The following SLC66A3 variants were observed in gnomAD, a reference collection of about 807,000 sequenced individuals.
The protein encoded by SLC66A3 is solute carrier family 66 member 3, also known as PQ loop repeat containing 3.
A neutral mutation model predicts 25.5 loss-of-function variants in SLC66A3; 23 were observed. The ratio of observed to expected loss-of-function variants is 0.90; its 90% CI spans 0.65 to 1.28. The LOEUF is 1.28. Ranked by LOEUF, SLC66A3 falls within the 50% of genes most tolerant of loss-of-function variation. The probability of loss-of-function intolerance (pLI) is 0.00; values close to 1 mark genes in which losing one functional copy is unlikely to be tolerated. For missense variants in SLC66A3, 246 were observed against 262.1 expected, an observed-to-expected ratio of 0.94 and a Z score of 0.42; for synonymous variants, 108 against 112.6, an observed-to-expected ratio of 0.96 and a Z score of 0.26.
At chr2:11,160,151 C>T (rs541671651) in intron 1 of SLC66A3, 7 of 415,324 alleles carry the variant, frequency 1.7e-5, no homozygotes, top group Non-Finnish European at 3.1e-5. Flanking sequence ...GCCCAGAAGG[C>T]CCAGTCTCAT....
At chr2:11,155,956 C>G (rs550408198) in intron 1 of SLC66A3, among the ~76,000 whole-genome samples, 1 of 152,342 alleles carries the variant, frequency 6.6e-6, no homozygotes, top group East Asian at 1.9e-4. Context: ...AAAACAGACC[C>G]AGCGGAGGCA....
intron 4 of SLC66A3, among the ~76,000 whole-genome samples, chr2:11,170,337 G>A (rs1444617960): frequency 6.6e-6 from 1 of 152,202 alleles, no homozygotes; most frequent in East Asian, 1.9e-4. Flanking sequence ...CCCAGAGACT[G>A]GAGTTTCAGC....
At chr2:11,168,015 T>A (rs1295441313) in intron 4 of SLC66A3, among the ~76,000 whole-genome samples, 1 of 152,136 alleles carries the variant, frequency 6.6e-6, no homozygotes, top group Middle Eastern at 3.2e-3. Context: ...GTGCGGTGGC[T>A]CACGCCTGTG....
intron 5 of SLC66A3, among the ~76,000 whole-genome samples, chr2:11,172,281 T>C (rs1177553399): frequency 6.6e-6 from 1 of 152,248 alleles, no homozygotes; most frequent in Non-Finnish European, 1.5e-5. Flanking sequence ...AAGCCTATTT[T>C]TCTCCAAAAA....
At chr2:11,175,529 G>T (rs949804573) in intron 6 of SLC66A3, among the ~76,000 whole-genome samples, 7 of 152,236 alleles carry the variant, frequency 4.6e-5, no homozygotes, top group African/African-American at 1.4e-4. Context: ...CAGGGGGACA[G>T]TGACAAGCGG....
chr2:11,164,112 G>A (rs1275408655), intron 3 of SLC66A3, 92 bp from the exon 4 acceptor site: 18 of 747,280 alleles, frequency 2.4e-5, no homozygotes, highest in Non-Finnish European at 3.6e-5. Flanking sequence ...GCTTCTGCGT[G>A]CCGCTGTCTG....
At chr2:11,175,654 C>T (rs756007936) in intron 6 of SLC66A3, among the ~76,000 whole-genome samples, 4 of 151,802 alleles carry the variant, frequency 2.6e-5, no homozygotes, top group Non-Finnish European at 5.9e-5. Context: ...GAAGTGGTGT[C>T]ACCAATGGAC....
At chr2:11,177,135 G>A (rs952171849) in intron 6 of SLC66A3, among the ~76,000 whole-genome samples, 2 of 152,104 alleles carry the variant, frequency 1.3e-5, no homozygotes, top group Admixed American at 6.5e-5. Context: ...CCCTCAGGAC[G>A]TCAGATGAGT....
At chr2:11,175,403 G>A (rs73915390) in intron 6 of SLC66A3, among the ~76,000 whole-genome samples, 3,852 of 152,324 alleles carry the variant, frequency 0.025, 72 homozygotes, top group East Asian at 0.055. Flanking sequence ...AAGAGTGATC[G>A]TAAGGATGAG....
At chr2:11,165,938 G>A (rs891133868) in intron 4 of SLC66A3, among the ~76,000 whole-genome samples, 6 of 152,254 alleles carry the variant, frequency 3.9e-5, no homozygotes, top group Non-Finnish European at 8.8e-5. Context: ...ATCAGGCAGG[G>A]AGGTTGCAGT....
chr2:11,176,406 G>T (rs1173932242), intron 6 of SLC66A3, among the ~76,000 whole-genome samples: 1 of 152,062 alleles, frequency 6.6e-6, no homozygotes, highest in Non-Finnish European at 1.5e-5. Context: ...AGTAGAGATG[G>T]GGTTTCACCA....
intron 1 of SLC66A3, among the ~76,000 whole-genome samples, chr2:11,157,900 A>T (rs1661965016): frequency 2.6e-5 from 4 of 152,060 alleles, no homozygotes; most frequent in Non-Finnish European, 5.9e-5. Context: ...TGCTCTCTGC[A>T]GCCAGGAGCC....
At chr2:11,168,220 G>A (rs575687846) in intron 4 of SLC66A3, among the ~76,000 whole-genome samples, 18 of 151,984 alleles carry the variant, frequency 1.2e-4, no homozygotes, top group African/African-American at 4.3e-4. Context: ...GGGAGGCAGA[G>A]GTTGCAGTGA....
rs187742993 is a variant in SLC66A3 at position 11,171,907 on chromosome 2, C to T, written c.355-18C>T. On this transcript the variant is annotated intron_variant, in intron 4 of 6. Coordinates refer to ENST00000295083, the MANE Select transcript of SLC66A3 (RefSeq NM_152391.5). ...AACAAATCGACTCGTGACTTTCTCA[C>T]ATTTTATCTGCAAACAGAATCTATG... 998 of 1,613,360 alleles carry T rather than the reference C, an allele frequency of 6.2e-4. 4 individuals carry two copies. In the African/African-American group the frequency reaches 0.011, roughly 17 times the overall value.
In SLC66A3 at chr2:11,160,767, G is replaced by T; in HGVS notation, c.296+73G>T. 1.9e-6 allele frequency: 3 copies of T among 1,608,372 alleles called. No homozygotes were observed. The Admixed American group carries it at 5.1e-5, about 27-fold the overall frequency. ...GTGAATGGTATGCATTGTGAAGCAG[G>T]CTCCTTTACCAGATGTGTATTTTTT... On this transcript the variant is annotated intron_variant, in intron 3 of 6. Transcript: ENST00000295083.
intron 6 of SLC66A3, among the ~76,000 whole-genome samples, chr2:11,176,525 C>CTTTTTTTT (rs775778444): frequency 1.1e-5 from 1 of 87,306 alleles, no homozygotes; most frequent in Non-Finnish European, 2.2e-5. Context: ...CTGGGAATAA[C>CTTTTTTTT]TTTTTTTTTT....
chr2:11,164,345 A>ATATATATATAT lies in SLC66A3; in HGVS notation c.354+85_354+86insATATATATATT. 4.6e-3 allele frequency: 427 copies of ATATATATATAT among 92,738 alleles called. 12 individuals carry two copies. Among genetic ancestry groups the ATATATATATAT allele is most frequent in the African/African-American group, 0.017 (369 of 21,716 alleles). 5.7% of individuals were successfully genotyped at this position (92,738 alleles called of 1,614,324 possible). On this transcript the variant is annotated intron_variant, in intron 4 of 6. Transcript: ENST00000295083. ...TAGATATTTATATATATATATATAT[A>ATATATATATAT]TTTTTTTTTTTTTGAAATGGAGTTT...
chr2:11,164,160 C>A, intron 3 of SLC66A3, 44 bp from the exon 4 acceptor site: 2 of 1,238,878 alleles, frequency 1.6e-6, no homozygotes, highest in Non-Finnish European at 2.3e-6. Context: ...GAGGGTGGCG[C>A]GGATGTGGGT....
In SLC66A3 at chr2:11,172,005, G is replaced by T. The variant is rs1662572767; in HGVS notation, c.435G>T (p.Val145=). Reference sequence around the variant, plus strand: ...GGAAGACGAGAGACTCAGGAACTGTGAGTGCGCTGACTTGGAGCCTCTCTT... The same window carrying T: ...GGAAGACGAGAGACTCAGGAACTGTTAGTGCGCTGACTTGGAGCCTCTCTT... ...CLWKTRDSGT[V]SALTWSLSSY... is the part of the protein sequence containing the mutation. The change falls in exon 5 of 7, where the codon GTG becomes GTT. Residue 145 remains valine, a synonymous_variant. Coordinates refer to ENST00000295083, the MANE Select transcript of SLC66A3 (RefSeq NM_152391.5). The T allele has an allele frequency of 6.2e-7, 1 of 1,614,144 alleles. No homozygotes were observed. Among genetic ancestry groups the T allele is most frequent in the African/African-American group, 1.3e-5 (1 of 75,050 alleles).
Sources: allele counts gnomAD v4.1 joint callset (sites outside exome capture counted in the v4.1 genomes callset), GRCh38; gene constraint gnomAD v4.1.1; transcripts MANE v1.5; gene names NCBI Gene and HGNC (gene_info 2026-07-23, HGNC 2026-07-21).